The following GRM8 variants were observed in gnomAD, a reference collection of about 807,000 sequenced individuals.
GRM8 encodes the protein glutamate metabotropic receptor 8, also known as metabotropic glutamate receptor 8.
A neutral mutation model predicts 87.2 loss-of-function variants in GRM8; 47 were observed. That is an observed-to-expected ratio of 0.54 (90% CI 0.43 to 0.69). The LOEUF (loss-of-function observed/expected upper bound fraction) is 0.69. Among genes scored for constraint, GRM8 ranks in the 30% least tolerant of loss-of-function variants. The probability of loss-of-function intolerance (pLI) is 0.00; values close to 1 mark genes in which losing one functional copy is unlikely to be tolerated. For synonymous variants in GRM8, 396 were observed against 404.5 expected (o/e 0.98, Z 0.25); for missense variants, 1,019 against 1,139.2 (o/e 0.89, Z 1.52).
chr7:126,847,898 A>G (rs573112714), intron 6 of GRM8, among the ~76,000 whole-genome samples: 17 of 152,296 alleles, frequency 1.1e-4, no homozygotes, highest in African/African-American at 3.6e-4. Flanking sequence ...AATCTGCACC[A>G]ATGTCCTTCC....
At chr7:126,702,119 T>C (rs1191589587) in intron 7 of GRM8, among the ~76,000 whole-genome samples, 1 of 152,206 alleles carries the variant, frequency 6.6e-6, no homozygotes, top group Non-Finnish European at 1.5e-5. Context: ...TGTGCTAGCA[T>C]TCGCACATGC....
At chr7:126,875,793 T>A (rs1799482057) in intron 6 of GRM8, among the ~76,000 whole-genome samples, 1 of 152,050 alleles carries the variant, frequency 6.6e-6, no homozygotes, top group East Asian at 1.9e-4. Flanking sequence ...TCTCCCTATC[T>A]CCAATCTCAC....
intron 3 of GRM8, among the ~76,000 whole-genome samples, chr7:127,088,558 T>A (rs1823733263): frequency 6.6e-6 from 1 of 152,204 alleles, no homozygotes; most frequent in Non-Finnish European, 1.5e-5. Context: ...ATTTAACATA[T>A]GTTGATAGAG....
chr7:126,970,006 T>A (rs1226316368), intron 3 of GRM8, among the ~76,000 whole-genome samples: 1 of 152,146 alleles, frequency 6.6e-6, no homozygotes, highest in Non-Finnish European at 1.5e-5. Context: ...ATCTTTTTTT[T>A]TTCTGAGCAG....
intron 6 of GRM8, among the ~76,000 whole-genome samples, chr7:126,852,548 G>C (rs1257420208): frequency 6.6e-6 from 1 of 152,210 alleles, no homozygotes; most frequent in Non-Finnish European, 1.5e-5. Context: ...AGAAAGAGCT[G>C]ACAGTAAATA....
chr7:127,166,601 CAA>C (rs1793469360), intron 2 of GRM8, among the ~76,000 whole-genome samples: 1 of 152,058 alleles, frequency 6.6e-6, no homozygotes. Flanking sequence ...GGACTGAACA[CAA>C]AGCTCTTTAG....
chr7:126,614,717 C>A (rs138453190), intron 7 of GRM8, among the ~76,000 whole-genome samples: 1,639 of 152,220 alleles, frequency 0.011, 25 homozygotes, highest in African/African-American at 0.037. Flanking sequence ...ACGAGAAATA[C>A]GTGATGAATG....
At chr7:126,824,791 A>T (rs1794610972) in intron 6 of GRM8, among the ~76,000 whole-genome samples, 1 of 152,228 alleles carries the variant, frequency 6.6e-6, no homozygotes, top group Admixed American at 6.5e-5. Context: ...AGTGACTAAT[A>T]AATTTTTTGG....
At chr7:127,234,163 G>C (rs916436867) in intron 2 of GRM8, among the ~76,000 whole-genome samples, 1 of 152,170 alleles carries the variant, frequency 6.6e-6, no homozygotes, top group Admixed American at 6.5e-5. Flanking sequence ...AGCTGTCATG[G>C]TTTCTGAAGA....
chr7:126,698,368 G>A (rs1328841155), intron 7 of GRM8, among the ~76,000 whole-genome samples: 2 of 152,064 alleles, frequency 1.3e-5, no homozygotes, highest in Non-Finnish European at 2.9e-5. Context: ...AAAACTAGAT[G>A]AATCACAAAA....
intron 9 of GRM8, among the ~76,000 whole-genome samples, chr7:126,477,786 G>A (rs1806171607): frequency 6.6e-6 from 1 of 152,114 alleles, no homozygotes; most frequent in South Asian, 2.1e-4. Context: ...TTTATTTAGA[G>A]TATTGTGTTA....
intron 8 of GRM8, among the ~76,000 whole-genome samples, chr7:126,586,562 C>A (rs199785176): frequency 5.1e-4 from 77 of 152,014 alleles, no homozygotes; most frequent in Non-Finnish European, 6.3e-4. Context: ...ACAAACCTGA[C>A]AAAAACAAGA....
chr7:126,462,116 A>G (rs1458755470), intron 9 of GRM8, among the ~76,000 whole-genome samples: 1 of 151,612 alleles, frequency 6.6e-6, no homozygotes, highest in African/African-American at 2.4e-5. Context: ...ACTAGTTATG[A>G]CTTGTTCCAA....
chr7:127,023,985 G>C (rs1432393795), intron 3 of GRM8, among the ~76,000 whole-genome samples: 1 of 152,112 alleles, frequency 6.6e-6, no homozygotes, highest in African/African-American at 2.4e-5. Context: ...TGCATGTAGG[G>C]AGGACTATTT....
chr7:126,721,126 G>T (rs1812347734), intron 7 of GRM8, among the ~76,000 whole-genome samples: 1 of 152,194 alleles, frequency 6.6e-6, no homozygotes. Context: ...AATGTTATCT[G>T]CAGTGATTTT....
At chr7:126,903,612 T>C (rs1367292926) in intron 5 of GRM8, among the ~76,000 whole-genome samples, 1 of 146,304 alleles carries the variant, frequency 6.8e-6, no homozygotes, top group Non-Finnish European at 1.5e-5. Flanking sequence ...TATATACATA[T>C]ATACATATAT....
rs184385217 is a variant in GRM8 at position 127,113,546 on chromosome 7, T to C, written c.511-6834A>G. Among the ~76,000 whole-genome samples, 18 of 152,276 alleles carry C rather than the reference T, an allele frequency of 1.2e-4. No individual in the cohort carries two copies. In the East Asian group the frequency reaches 2.5e-3, roughly 21 times the overall value. ...CTTGTCCATTGATCATGGAACTTAATTGGTGAAGTAGGTTGGCGGGGTGGG... is the reference window on the plus strand; with the variant it reads ...CTTGTCCATTGATCATGGAACTTAACTGGTGAAGTAGGTTGGCGGGGTGGG... On this transcript the variant is annotated intron_variant, in intron 2 of 10. Transcript: ENST00000339582.
chr7:126,722,895 A>ATATATATATAATTATATATATAATGTTAT (rs5741662), intron 7 of GRM8, among the ~76,000 whole-genome samples: 6 of 143,996 alleles, frequency 4.2e-5, no homozygotes, highest in Non-Finnish European at 9.0e-5. Context: ...TGTGAAAAAA[A>ATATATATATAATTATATATATAATGTTAT]ATATATATAA....
intron 9 of GRM8, among the ~76,000 whole-genome samples, chr7:126,477,719 A>T (rs1806166299): frequency 6.6e-6 from 1 of 151,910 alleles, no homozygotes; most frequent in African/African-American, 2.4e-5. Flanking sequence ...AAAGGAAGGA[A>T]AGAAGGAAAG....
Sources: gnomAD v4.1 joint callset for allele counts (sites outside exome capture counted in the v4.1 genomes callset) on GRCh38, gnomAD v4.1.1 for gene constraint, MANE v1.5 for transcripts, NCBI Gene and HGNC (gene_info 2026-07-23, HGNC 2026-07-21) for gene names.